Variants in PEX7 observed in about 807,000 individuals in gnomAD.
PEX7 encodes peroxisomal biogenesis factor 7.
Under a neutral mutation model 47.5 loss-of-function variants are expected in PEX7, and 34 were observed. The ratio of observed to expected loss-of-function variants is 0.72; its 90% CI spans 0.54 to 0.95. The LOEUF (loss-of-function observed/expected upper bound fraction) is 0.95, where lower values mean the gene tolerates loss of function less well. Among genes scored for constraint, PEX7 ranks in the 40% least tolerant of loss-of-function variants. The pLI, the probability that PEX7 is intolerant of heterozygous loss-of-function variation, is 0.00. For missense variants in PEX7, 394 were observed against 400.3 expected (o/e 0.98, Z 0.13); for synonymous variants, 141 against 148.8 (o/e 0.95, Z 0.38).
chr6:136,879,902 A>T (rs1775347791), intron 8 of PEX7, among the ~76,000 whole-genome samples: 1 of 151,896 alleles, frequency 6.6e-6, no homozygotes, highest in Non-Finnish European at 1.5e-5. Flanking sequence ...CTTGGGCCCC[A>T]ATGTAATTCT....
chr6:136,868,845 C>T (rs1467806221), intron 6 of PEX7, among the ~76,000 whole-genome samples: 1 of 151,986 alleles, frequency 6.6e-6, no homozygotes, highest in East Asian at 1.9e-4. Context: ...TCACTTGGGG[C>T]TCTAGATAGC....
chr6:136,912,998 G>A (rs1775956331), intron 9 of PEX7, among the ~76,000 whole-genome samples: 1 of 152,270 alleles, frequency 6.6e-6, no homozygotes, highest in African/African-American at 2.4e-5. Flanking sequence ...GTCCCCCTAA[G>A]AGTCTCTGTT....
rs267608254 is a variant in PEX7 at position 136,825,272 on chromosome 6, G to C, written c.188+1G>C. 2.5e-6 allele frequency: 4 copies of C among 1,609,744 alleles called. No homozygotes were observed. The Admixed American group carries it at 5.0e-5, about 20-fold the overall frequency. On this transcript the variant is annotated splice_donor_variant, in intron 2 of 9. Coordinates refer to ENST00000318471, the MANE Select transcript of PEX7 (RefSeq NM_000288.4). LOFTEE classifies it high-confidence loss of function. ...AAGCTGGGCTAAGGCTTTTTAGAAGGTAAGGGGGCTGAAATTATTAAAGGT... is the reference window on the plus strand; with the variant it reads ...AAGCTGGGCTAAGGCTTTTTAGAAGCTAAGGGGGCTGAAATTATTAAAGGT...
chr6:136,823,390 C>G (rs770319915), intron 1 of PEX7: 50 of 977,922 alleles, frequency 5.1e-5, no homozygotes, highest in Non-Finnish European at 6.1e-5. Context: ...GTAGGTGTTA[C>G]AGACTCCAGT....
Position 136,900,870 on chromosome 6 carries a change from G to T in PEX7, c.903+2629G>T, listed in dbSNP as rs2115278340. 3.7e-6 allele frequency: 1 copy of T among 270,332 alleles called. No homozygotes were observed. The highest frequency in any genetic ancestry group is 4.3e-5 in the South Asian group (1 of 23,332). The allele number at this position is 270,332 out of a possible 1,614,324, so 16.7% of individuals were successfully genotyped here. ...TGCTTTGTCTCTGGTCTGTATTATG[G>T]GCCAGCTTATGTAGTTGAGTAGCTG... On this transcript the variant is annotated intron_variant, in intron 9 of 9. Transcript: ENST00000318471. The surrounding 1 kb of genome is among the most constrained non-coding windows in gnomAD (Gnocchi z 4.2).
chr6:136,837,529 A>G (rs371590255), intron 3 of PEX7, among the ~76,000 whole-genome samples: 62 of 152,250 alleles, frequency 4.1e-4, no homozygotes, highest in African/African-American at 1.3e-3. Flanking sequence ...CACAGTAAAG[A>G]TTTAGAAGCA....
intron 8 of PEX7, among the ~76,000 whole-genome samples, chr6:136,872,743 T>C (rs1397537008): frequency 6.6e-6 from 1 of 152,174 alleles, no homozygotes; most frequent in Non-Finnish European, 1.5e-5. Flanking sequence ...GGTGTGGGTC[T>C]CTATTTATAC....
chr6:136,822,804 G>T lies in PEX7; in HGVS notation c.130+9G>T. On this transcript the variant is annotated intron_variant, in intron 1 of 9. Transcript: ENST00000318471. The stretch of plus-strand genomic sequence containing the variant: ...GCACTACGGCATCGCGGGTGAGGCG[G>T]CGCCGCGCAGCTGGGGCCGGGGGGC... 1 of 1,287,112 alleles carries T rather than the reference G, an allele frequency of 7.8e-7. No homozygotes were observed. Among genetic ancestry groups the T allele is most frequent in the Non-Finnish European group, 9.8e-7 (1 of 1,023,230 alleles). The allele number at this position is 1,287,112 out of a possible 1,614,324, so 79.7% of individuals were successfully genotyped here.
Position 136,900,530 on chromosome 6 carries a change from T to C in PEX7, c.903+2289T>C. On this transcript the variant is annotated intron_variant, in intron 9 of 9. Transcript: ENST00000318471. The surrounding 1 kb of genome is among the most constrained non-coding windows in gnomAD (Gnocchi z 4.2). ...TTGGTCCTGATAGCTTCCACCATCT[T>C]AGCCAAAGCCCTTTTGTCTTCCGAG... 2.1e-6 allele frequency: 1 copy of C among 468,930 alleles called. No homozygotes were observed. Among genetic ancestry groups the C allele is most frequent in the African/African-American group, 2.0e-5 (1 of 50,456 alleles). The allele number at this position is 468,930 out of a possible 1,614,324, so 29.0% of individuals were successfully genotyped here.
chr6:136,871,090 A>T (rs1775171768), intron 7 of PEX7, among the ~76,000 whole-genome samples: 1 of 152,218 alleles, frequency 6.6e-6, no homozygotes, highest in Non-Finnish European at 1.5e-5. Flanking sequence ...ATTTTTTAAT[A>T]AATTTGTTTA....
chr6:136,897,440 A>G (rs1214479679), intron 8 of PEX7, among the ~76,000 whole-genome samples: 1 of 152,244 alleles, frequency 6.6e-6, no homozygotes, highest in Non-Finnish European at 1.5e-5. Flanking sequence ...CACAGTACAA[A>G]TGAGAGCTTG....
At chr6:136,859,703 T>C (rs960010980) in intron 5 of PEX7, among the ~76,000 whole-genome samples, 2 of 152,154 alleles carry the variant, frequency 1.3e-5, no homozygotes, top group African/African-American at 2.4e-5. Flanking sequence ...CAGCCAGCAC[T>C]TCCTTGCCCA....
chr6:136,870,083 T>A (rs1047556147), intron 7 of PEX7, 80 bp downstream of exon 7: 7 of 914,426 alleles, frequency 7.7e-6, no homozygotes, highest in African/African-American at 3.4e-5. Flanking sequence ...AAAAGTGTTC[T>A]GGGTTTAGGG....
At chr6:136,897,254 G>T (rs1775667999) in intron 8 of PEX7, among the ~76,000 whole-genome samples, 1 of 152,134 alleles carries the variant, frequency 6.6e-6, no homozygotes, top group South Asian at 2.1e-4. Flanking sequence ...TAAACCTTCA[G>T]TGTGCCATGT....
chr6:136,840,495 G>A (rs1322722925), intron 3 of PEX7, among the ~76,000 whole-genome samples: 1 of 97,638 alleles, frequency 1.0e-5, no homozygotes, highest in African/African-American at 4.3e-5. Flanking sequence ...AATGTTGAGC[G>A]AAGATGCTAA....
intron 8 of PEX7, among the ~76,000 whole-genome samples, chr6:136,890,229 C>T (rs1775531152): frequency 6.6e-6 from 1 of 152,124 alleles, no homozygotes; most frequent in Non-Finnish European, 1.5e-5. Context: ...CAGCAGAGTC[C>T]CTTATCTTTC....
At chr6:136,894,531 A>C (rs996188744) in intron 8 of PEX7, among the ~76,000 whole-genome samples, 2 of 152,180 alleles carry the variant, frequency 1.3e-5, no homozygotes, top group Non-Finnish European at 2.9e-5. Context: ...CAGAGGTTGC[A>C]GTGAGCCGAG....
chr6:136,866,825 G>A, intron 6 of PEX7, 92 bp downstream of exon 6: 6 of 1,086,650 alleles, frequency 5.5e-6, no homozygotes, highest in Non-Finnish European at 8.3e-6. Context: ...GACTTTGGTG[G>A]TGTTCCTGGA....
At chr6:136,846,268 T>C in intron 5 of PEX7, 87 bp downstream of exon 5, 2 of 667,512 alleles carry the variant, frequency 3.0e-6, no homozygotes, top group African/African-American at 3.6e-5. Flanking sequence ...GTACCTTAGC[T>C]TCAGAGAGAA....
Sources: allele counts gnomAD v4.1 joint callset (sites outside exome capture counted in the v4.1 genomes callset), GRCh38; gene constraint gnomAD v4.1.1; non-coding constraint Gnocchi (gnomAD v3.1); transcripts MANE v1.5; gene names NCBI Gene and HGNC (gene_info 2026-07-23, HGNC 2026-07-21).